The following PBX1 variants were observed in gnomAD, a reference collection of about 807,000 sequenced individuals.
PBX1 encodes PBX homeobox 1.
A neutral mutation model predicts 53.4 loss-of-function variants in PBX1; 6 were observed. That is an observed-to-expected ratio of 0.11 (90% CI 0.06 to 0.22). The LOEUF (loss-of-function observed/expected upper bound fraction) is 0.22, where lower values mean the gene tolerates loss of function less well. PBX1 is among the 10% of genes least tolerant of loss of function. The pLI, the probability that PBX1 is intolerant of heterozygous loss-of-function variation, is 1.00. For missense variants in PBX1, 251 were observed against 551.4 expected, an observed-to-expected ratio of 0.46 and a Z score of 5.46; for synonymous variants, 204 against 212.3, an observed-to-expected ratio of 0.96 and a Z score of 0.34.
At chr1:164,844,093 T>G (rs1671436111) in intron 8 of PBX1, among the ~76,000 whole-genome samples, 1 of 143,942 alleles carries the variant, frequency 6.9e-6, no homozygotes, top group Non-Finnish European at 1.5e-5. Context: ...GATACATGCC[T>G]TTTTTCTTTC....
chr1:164,733,699 C>G (rs1665121410), intron 2 of PBX1, among the ~76,000 whole-genome samples: 1 of 152,020 alleles, frequency 6.6e-6, no homozygotes, highest in African/African-American at 2.4e-5. Flanking sequence ...GTAAAGGAAA[C>G]CTTAATTTGG....
chr1:164,689,081 C>T (rs561362808), intron 2 of PBX1, among the ~76,000 whole-genome samples: 55 of 152,322 alleles, frequency 3.6e-4, no homozygotes, highest in African/African-American at 1.3e-3. Flanking sequence ...AATTGGGACT[C>T]GCCAAAGTGT....
chr1:164,808,323 C>T (rs985776177), intron 5 of PBX1, among the ~76,000 whole-genome samples: 3 of 152,120 alleles, frequency 2.0e-5, no homozygotes, highest in East Asian at 1.9e-4. Flanking sequence ...GTTTTCAACA[C>T]GAATATGAAG....
At chr1:164,630,284 A>G (rs1037385745) in intron 2 of PBX1, among the ~76,000 whole-genome samples, 6 of 152,132 alleles carry the variant, frequency 3.9e-5, no homozygotes, top group Non-Finnish European at 8.8e-5. Context: ...TTTCGTTTCT[A>G]TGCTTCCAAA....
At chr1:164,876,291 T>C (rs1056094217) in intron 2 of PBX1, among the ~76,000 whole-genome samples, 6 of 152,010 alleles carry the variant, frequency 3.9e-5, no homozygotes, top group African/African-American at 1.5e-4. Context: ...TCTGTGAAGA[T>C]GAATGAGGTT....
intron 2 of PBX1, among the ~76,000 whole-genome samples, chr1:164,647,878 G>A (rs1224731610): frequency 6.7e-6 from 1 of 149,758 alleles, no homozygotes; most frequent in Non-Finnish European, 1.5e-5. Flanking sequence ...GCGGTGGCGC[G>A]ATCTCGGCTC....
In PBX1 at chr1:164,848,221, T is replaced by C; in HGVS notation, c.*1545T>C. On this transcript the variant is annotated 3_prime_UTR_variant, in exon 9 of 9. Transcript: ENST00000420696. The stretch of plus-strand genomic sequence containing the variant: ...ACTAAAAATACATGAGAAAATAGCA[T>C]GTATATGAAAGCTATTCTCAAAAGT... The C allele has an allele frequency of 3.8e-6, 4 of 1,051,802 alleles. No individual in the cohort carries two copies. Among genetic ancestry groups the C allele is most frequent in the Non-Finnish European group, 4.6e-6 (4 of 870,846 alleles). 65.2% of individuals were successfully genotyped at this position (1,051,802 alleles called of 1,614,324 possible).
chr1:164,748,937 A>C (rs1666046161), intron 2 of PBX1, among the ~76,000 whole-genome samples: 1 of 152,292 alleles, frequency 6.6e-6, no homozygotes, highest in Non-Finnish European at 1.5e-5. Context: ...AGGAAGCCAA[A>C]AAGAGCAAGC....
chr1:164,851,457 A>AT lies in PBX1; in HGVS notation c.*4787dup, dbSNP rs200183940. 8.4e-3 allele frequency: 1,646 copies of AT among 195,582 alleles called. 21 individuals carry two copies. Among genetic ancestry groups the AT allele is most frequent in the African/African-American group, 0.036 (1,547 of 43,330 alleles). The allele number at this position is 195,582 out of a possible 1,614,324, so 12.1% of individuals were successfully genotyped here. A position where few individuals can be genotyped will look rare whatever the true frequency, so the allele number is the denominator to read the frequency against. On this transcript the variant is annotated 3_prime_UTR_variant, in exon 9 of 9. Coordinates refer to ENST00000420696, the MANE Select transcript of PBX1 (RefSeq NM_002585.4). Reference sequence around the variant, plus strand: ...AGCTCAAAGCTTCCTGGAATCTTTTATTTTTTGTAAACTTTTTTTTCTTTT... The same window carrying AT: ...AGCTCAAAGCTTCCTGGAATCTTTTATTTTTTTGTAAACTTTTTTTTCTTTT...
At chr1:164,735,120 G>A (rs1665195569) in intron 2 of PBX1, among the ~76,000 whole-genome samples, 1 of 152,108 alleles carries the variant, frequency 6.6e-6, no homozygotes, top group Non-Finnish European at 1.5e-5. Context: ...CATTGATAAT[G>A]TAAATGTATT....
At chr1:164,799,352 G>T (rs1001309628) in intron 3 of PBX1, among the ~76,000 whole-genome samples, 1 of 152,034 alleles carries the variant, frequency 6.6e-6, no homozygotes, top group African/African-American at 2.4e-5. Context: ...TTAGCTGGGC[G>T]TGGTGGCGGG....
chr1:164,582,781 G>A (rs1281329524), intron 2 of PBX1, among the ~76,000 whole-genome samples: 3 of 152,058 alleles, frequency 2.0e-5, no homozygotes, highest in Admixed American at 2.0e-4. Flanking sequence ...TCAACGACAT[G>A]ATAAAAAATT....
chr1:164,748,264 G>A (rs915995523), intron 2 of PBX1, among the ~76,000 whole-genome samples: 1 of 152,174 alleles, frequency 6.6e-6, no homozygotes, highest in Non-Finnish European at 1.5e-5. Flanking sequence ...TCCAGGGTAC[G>A]TGGAGAGCCA....
At chr1:164,775,297 A>C (rs1434640992) in intron 2 of PBX1, among the ~76,000 whole-genome samples, 1 of 152,150 alleles carries the variant, frequency 6.6e-6, no homozygotes, top group Non-Finnish European at 1.5e-5. Context: ...CAGACTTGCC[A>C]CATTCTGATT....
At chr1:164,867,167 G>C (rs1398453002) in intron 2 of PBX1, among the ~76,000 whole-genome samples, 1 of 152,120 alleles carries the variant, frequency 6.6e-6, no homozygotes, top group Admixed American at 6.5e-5. Flanking sequence ...GGGAGGTCTT[G>C]AGCAAGTTAT....
chr1:164,587,338 C>G (rs2101756825), intron 2 of PBX1, among the ~76,000 whole-genome samples: 1 of 152,228 alleles, frequency 6.6e-6, no homozygotes, highest in East Asian at 1.9e-4. Flanking sequence ...GTTGTGGTGA[C>G]TTGGTAAGTT....
intron 2 of PBX1, among the ~76,000 whole-genome samples, chr1:164,578,908 T>A (rs1402527137): frequency 6.6e-6 from 1 of 152,148 alleles, no homozygotes; most frequent in Non-Finnish European, 1.5e-5. Context: ...TTTCACTCTC[T>A]TTTGTTCTCT....
intron 2 of PBX1, among the ~76,000 whole-genome samples, chr1:164,776,969 GAGAGAGAGA>G (rs1473816907): frequency 1.7e-5 from 2 of 115,898 alleles, no homozygotes; most frequent in African/African-American, 3.6e-5. Context: ...GAGAGAGAGA[GAGAGAGAGA>G]GGAGGTGTGG....
intron 2 of PBX1, among the ~76,000 whole-genome samples, chr1:164,630,504 C>T (rs533725545): frequency 6.6e-6 from 1 of 152,206 alleles, no homozygotes; most frequent in South Asian, 2.1e-4. Flanking sequence ...TAATATTACA[C>T]TCAATATCAT....
Sources: allele counts gnomAD v4.1 joint callset (sites outside exome capture counted in the v4.1 genomes callset), GRCh38; gene constraint gnomAD v4.1.1; transcripts MANE v1.5; gene names NCBI Gene and HGNC (gene_info 2026-07-23, HGNC 2026-07-21).